The following MYO18B variants were observed in gnomAD, a reference collection of about 807,000 sequenced individuals.
MYO18B encodes the protein myosin XVIIIB, also known as unconventional myosin-XVIIIb.
In MYO18B, 204 loss-of-function variants were observed where a neutral mutation model predicts 273.0. The ratio of observed to expected loss-of-function variants is 0.75; its 90% CI spans 0.67 to 0.84. The LOEUF (loss-of-function observed/expected upper bound fraction) is 0.84, where lower values mean the gene tolerates loss of function less well. Among genes scored for constraint, MYO18B ranks in the 40% least tolerant of loss-of-function variants. MYO18B has a pLI of 0.00. For missense variants in MYO18B, 3,212 were observed against 3,287.6 expected (o/e 0.98, Z 0.56); for synonymous variants, 1,330 against 1,305.7 (o/e 1.02, Z -0.40).
chr22:25,810,191 G>A (rs930373490), intron 12 of MYO18B, among the ~76,000 whole-genome samples: 7 of 148,324 alleles, frequency 4.7e-5, no homozygotes, highest in African/African-American at 1.5e-4. Context: ...TCCGCCTCCC[G>A]GGTTCATGCC....
At chr22:26,004,606 A>T in intron 41 of MYO18B, 112 bp from the exon 42 acceptor site, 2 of 1,246,924 alleles carry the variant, frequency 1.6e-6, no homozygotes, top group Non-Finnish European at 2.2e-6. Context: ...GAGTGAGGTT[A>T]TGCAGGTATA....
chr22:25,815,349 T>A (rs1256196870), intron 12 of MYO18B, among the ~76,000 whole-genome samples: 2 of 152,200 alleles, frequency 1.3e-5, no homozygotes, highest in African/African-American at 2.4e-5. Flanking sequence ...TCTTTGAGCC[T>A]TTGCCCCTGC....
intron 40 of MYO18B, among the ~76,000 whole-genome samples, chr22:25,992,936 T>C (rs545984286): frequency 5.9e-4 from 90 of 152,310 alleles, no homozygotes; most frequent in African/African-American, 2.0e-3. Context: ...TGAGAGTTAA[T>C]TGAGTTCACA....
intron 32 of MYO18B, among the ~76,000 whole-genome samples, chr22:25,908,721 A>G: frequency 6.6e-6 from 1 of 152,184 alleles, no homozygotes; most frequent in East Asian, 1.9e-4. Context: ...AGGACTTGTA[A>G]ATTTCAATAA....
At chr22:26,014,765 G>A (rs1935180071) in intron 42 of MYO18B, among the ~76,000 whole-genome samples, 1 of 152,188 alleles carries the variant, frequency 6.6e-6, no homozygotes, top group Admixed American at 6.5e-5. Context: ...TAACTGGTGT[G>A]AGTTGGTATC....
At chr22:25,785,602 G>A in intron 11 of MYO18B, 111 bp downstream of exon 11, 1 of 1,157,058 alleles carries the variant, frequency 8.6e-7, no homozygotes, top group Non-Finnish European at 1.3e-6. Flanking sequence ...TTCATAGTTG[G>A]CAAGGGTTGG....
chr22:25,834,676 C>T (rs2089834378), intron 16 of MYO18B, among the ~76,000 whole-genome samples: 1 of 152,116 alleles, frequency 6.6e-6, no homozygotes, highest in Non-Finnish European at 1.5e-5. Context: ...CTTTAAACTC[C>T]CCAGGCCTCT....
chr22:25,837,309 G>C (rs531054540), intron 17 of MYO18B, among the ~76,000 whole-genome samples: 5 of 152,218 alleles, frequency 3.3e-5, no homozygotes, highest in African/African-American at 1.2e-4. Flanking sequence ...AGGTGTCAGG[G>C]ACAAGGCAAA....
chr22:25,951,917 C>T (rs781385395), intron 37 of MYO18B, among the ~76,000 whole-genome samples: 6 of 152,234 alleles, frequency 3.9e-5, no homozygotes, highest in Non-Finnish European at 7.3e-5. Flanking sequence ...CTCCCAAACC[C>T]ACACTTGCTT....
At chr22:25,782,206 A>G (rs571328518) in intron 10 of MYO18B, among the ~76,000 whole-genome samples, 1 of 152,326 alleles carries the variant, frequency 6.6e-6, no homozygotes, top group South Asian at 2.1e-4. Flanking sequence ...TAGGATTAAG[A>G]GAGATAATTT....
At chr22:25,752,430 G>A (rs1435775606) in intron 1 of MYO18B, among the ~76,000 whole-genome samples, 1 of 151,400 alleles carries the variant, frequency 6.6e-6, no homozygotes, top group African/African-American at 2.4e-5. Context: ...CTCGTGATCC[G>A]CCCGCCTCGG....
chr22:25,767,428 C>A (rs903383951), intron 3 of MYO18B, among the ~76,000 whole-genome samples: 23 of 152,230 alleles, frequency 1.5e-4, no homozygotes, highest in Middle Eastern at 3.2e-3. Context: ...TCGGTTTATT[C>A]TTCTCTCTCT....
At chr22:25,969,896 C>T (rs182247746) in intron 39 of MYO18B, among the ~76,000 whole-genome samples, 1 of 152,312 alleles carries the variant, frequency 6.6e-6, no homozygotes, top group East Asian at 1.9e-4. Context: ...CAGTGCCTGG[C>T]ACAAAGTAAG....
At chr22:25,780,928 C>G (rs987156539) in intron 9 of MYO18B, among the ~76,000 whole-genome samples, 1 of 152,206 alleles carries the variant, frequency 6.6e-6, no homozygotes, top group Non-Finnish European at 1.5e-5. Context: ...CAAAATCACC[C>G]ATACTCCTCC....
intron 25 of MYO18B, among the ~76,000 whole-genome samples, chr22:25,889,404 TC>T (rs1174617235): frequency 2.0e-5 from 3 of 152,066 alleles, no homozygotes; most frequent in Non-Finnish European, 4.4e-5. Context: ...CATTCTAACA[TC>T]TTCACATGCA....
intron 39 of MYO18B, among the ~76,000 whole-genome samples, chr22:25,963,186 A>T (rs1364109345): frequency 2.0e-4 from 30 of 147,448 alleles, no homozygotes; most frequent in East Asian, 1.4e-3. Context: ...TCTCACACAC[A>T]CACACACACA....
At chr22:25,841,373 T>C (rs1002027811) in intron 17 of MYO18B, among the ~76,000 whole-genome samples, 1 of 152,016 alleles carries the variant, frequency 6.6e-6, no homozygotes, top group African/African-American at 2.4e-5. Context: ...AATTGTGGAA[T>C]AAAAGTCAAC....
In MYO18B at chr22:26,027,431, CG is replaced by C; in HGVS notation, c.7461del (p.Ile2488SerfsTer5). 6.2e-7 allele frequency: 1 copy of C among 1,613,914 alleles called. No individual in the cohort carries two copies. Among genetic ancestry groups the C allele is most frequent in the Non-Finnish European group, 8.5e-7 (1 of 1,179,872 alleles). The part of the protein sequence containing the change: ...ETEEANRSFL[S>X]GIKTILKKSP... ...GAAGAGGCTAACCGTTCCTTTCTCT[CG>C]GGGATCAAGACCATTTTGAAGAAGA... On this transcript the variant is annotated frameshift_variant, in exon 43 of 44. Transcript: ENST00000335473. LOFTEE classifies it low-confidence loss of function (END_TRUNC). The surrounding 1 kb of genome is among the most constrained non-coding windows in gnomAD (Gnocchi z 4.1).
chr22:25,932,505 T>C (rs922180694), intron 34 of MYO18B, among the ~76,000 whole-genome samples: 1 of 151,262 alleles, frequency 6.6e-6, no homozygotes, highest in African/African-American at 2.4e-5. Flanking sequence ...GCCTCCTGGG[T>C]TCAAGCGATT....
Sources: allele counts gnomAD v4.1 joint callset (sites outside exome capture counted in the v4.1 genomes callset), GRCh38; gene constraint gnomAD v4.1.1; non-coding constraint Gnocchi (gnomAD v3.1); transcripts MANE v1.5; gene names NCBI Gene and HGNC (gene_info 2026-07-23, HGNC 2026-07-21).